PWWP4: variants seen among roughly 807,000 people sequenced by gnomAD.
PWWP4 encodes the protein PWWP domain containing 4, also known as putative PWWP domain-containing DNA repair factor 4.
chrX:153,270,242 A>C (rs1388874984), upstream of PWWP4, among the ~76,000 whole-genome samples: 1 of 108,351 alleles, frequency 9.2e-6, no homozygotes, highest in African/African-American at 3.4e-5. Flanking sequence ...GGAGAGAGAG[A>C]GAGAGAGAGA....
At chrX:153,266,816 A>G (rs1486850768), upstream of PWWP4, among the ~76,000 whole-genome samples, 6 of 68,440 alleles carry the variant, frequency 8.8e-5, no homozygotes, top group Admixed American at 2.1e-4. Context: ...TACCATGGGT[A>G]GGACTGGAAG....
chrX:153,266,260 G>C, the PWWP4 span, among the ~76,000 whole-genome samples: 1 of 98,559 alleles, frequency 1.0e-5, no homozygotes, highest in Non-Finnish European at 2.0e-5. Context: ...TGACTGTGTC[G>C]GGGGCGGGGG....
At chrX:153,276,027 C>T (rs1185142236) in exon 1 of PWWP4, among the ~76,000 whole-genome samples, 11 of 95,979 alleles carry the variant, frequency 1.1e-4, no homozygotes, top group East Asian at 4.8e-4. Context: ...GCCCTCTGCG[C>T]GGTGACAGCT....
At chrX:153,272,761 G>C (rs2051812201) in exon 1 of PWWP4, among the ~76,000 whole-genome samples, 1 of 113,401 alleles carries the variant, frequency 8.8e-6, no homozygotes, top group African/African-American at 3.2e-5. Context: ...TACTCCAGGT[G>C]CCCTTGGCAG....
At chrX:153,266,396 G>T in the PWWP4 span, among the ~76,000 whole-genome samples, 1 of 99,392 alleles carries the variant, frequency 1.0e-5, no homozygotes, top group Non-Finnish European at 2.0e-5. Context: ...CGTGTGTGTG[G>T]ATGTGTGTGT....
chrX:153,267,074 GC>G (rs1259714556), upstream of PWWP4, among the ~76,000 whole-genome samples: 1 of 57,402 alleles, frequency 1.7e-5, no homozygotes, highest in Non-Finnish European at 3.0e-5. Flanking sequence ...AGGTCGGAGA[GC>G]GGTGCAATTG....
chrX:153,266,361 G>A, the PWWP4 span, among the ~76,000 whole-genome samples: 2 of 101,934 alleles, frequency 2.0e-5, no homozygotes, highest in Admixed American at 1.1e-4. Context: ...GGATGTGTGT[G>A]GACATGTGTG....
upstream of PWWP4, among the ~76,000 whole-genome samples, chrX:153,271,610 A>G (rs1168689306): frequency 6.2e-4 from 65 of 105,653 alleles, 1 homozygote; most frequent in African/African-American, 1.0e-3. Context: ...ACCTTTTCCC[A>G]GCTCATCATG....
chrX:153,270,722 C>A (rs1468030542), upstream of PWWP4, among the ~76,000 whole-genome samples: 1 of 18,323 alleles, frequency 5.5e-5, no homozygotes, highest in Non-Finnish European at 9.3e-5. Flanking sequence ...AAGATTTCCC[C>A]ATTTACTAAA....
exon 1 of PWWP4, among the ~76,000 whole-genome samples, chrX:153,271,818 C>T (rs1436778123): frequency 4.3e-5 from 3 of 69,334 alleles, no homozygotes; most frequent in Admixed American, 2.0e-4. Flanking sequence ...AAGACATTGC[C>T]GCCTCTGCAG....
upstream of PWWP4, among the ~76,000 whole-genome samples, chrX:153,270,232 G>GAGAGGA (rs1189427779): frequency 9.5e-6 from 1 of 104,986 alleles, no homozygotes; most frequent in African/African-American, 3.6e-5. Flanking sequence ...GAGAGAGAGA[G>GAGAGGA]GAGAGAGAGA....
At chrX:153,271,117 C>T (rs1267361813), upstream of PWWP4, among the ~76,000 whole-genome samples, 1 of 114,299 alleles carries the variant, frequency 8.7e-6, no homozygotes, top group African/African-American at 3.2e-5. Context: ...CCCAAAGGCA[C>T]AGAATACTCA....
upstream of PWWP4, among the ~76,000 whole-genome samples, chrX:153,269,155 G>A: frequency 1.9e-5 from 1 of 52,639 alleles, no homozygotes; most frequent in African/African-American, 8.4e-5. Flanking sequence ...ACGTGTGTGT[G>A]TGTGTGTGTG....
At chrX:153,272,826 A>T (rs782439104) in exon 1 of PWWP4, among the ~76,000 whole-genome samples, 5,997 of 103,697 alleles carry the variant, frequency 0.058, 18 homozygotes, top group East Asian at 0.21. Flanking sequence ...CCCTGCAGGG[A>T]AACAGGTCAT....
At chrX:153,271,642 T>C (rs2051807045) in exon 1 of PWWP4, among the ~76,000 whole-genome samples, 1 of 101,130 alleles carries the variant, frequency 9.9e-6, no homozygotes, top group Non-Finnish European at 2.0e-5. Context: ...CGTCCTATGC[T>C]CTTGGAAAGG....
exon 1 of PWWP4, among the ~76,000 whole-genome samples, chrX:153,272,735 G>A (rs1374882200): frequency 8.8e-5 from 10 of 113,334 alleles, no homozygotes; most frequent in African/African-American, 1.6e-4. Flanking sequence ...TCAGCAGCAC[G>A]CACGGCCGTT....
At chrX:153,271,119 G>A (rs1185059133), upstream of PWWP4, among the ~76,000 whole-genome samples, 1 of 114,362 alleles carries the variant, frequency 8.7e-6, no homozygotes, top group Admixed American at 9.2e-5. Context: ...CAAAGGCACA[G>A]AATACTCAGT....
the PWWP4 span, among the ~76,000 whole-genome samples, chrX:153,266,414 G>GGT: frequency 3.1e-5 from 3 of 96,907 alleles, no homozygotes; most frequent in Non-Finnish European, 6.1e-5. Context: ...TGTGTTTGGG[G>GGT]GTGTGTGTGT....
the PWWP4 span, among the ~76,000 whole-genome samples, chrX:153,266,516 T>TG: frequency 9.4e-6 from 1 of 106,779 alleles, no homozygotes; most frequent in Admixed American, 1.1e-4. Flanking sequence ...TGTGTGTGTT[T>TG]GGGGGTGTGT....
Sources: gnomAD v4.1 joint callset for allele counts (sites outside exome capture counted in the v4.1 genomes callset) on GRCh38, gnomAD v4.1.1 for gene constraint, MANE v1.5 for transcripts, NCBI Gene and HGNC (gene_info 2026-07-23, HGNC 2026-07-21) for gene names.